PCDHGA11: variants seen among roughly 807,000 people sequenced by gnomAD.
PCDHGA11 encodes the protein protocadherin gamma subfamily A, 11.
PCDHGA11 carries 39 observed loss-of-function variants against 60.4 expected under a neutral mutation model. That is an observed-to-expected ratio of 0.65 (90% CI 0.50 to 0.84). The LOEUF is 0.84. PCDHGA11 is among the 40% of genes least tolerant of loss of function. The pLI is 0.00. For missense variants in PCDHGA11, 1,165 were observed against 1,197.7 expected (o/e 0.97, Z 0.40); for synonymous variants, 533 against 510.3 (o/e 1.04, Z -0.60).
At position 141,477,626 on chromosome 5, in the gene PCDHGA11, G is replaced by A. The variant is rs201987467; in HGVS notation, c.2434-17181G>A. The A allele has an allele frequency of 1.9e-5, 31 of 1,614,052 alleles. No individual in the cohort carries two copies. The highest frequency in any genetic ancestry group is 2.5e-5 in the Non-Finnish European group (30 of 1,180,044). Reference sequence around the variant, plus strand: ...TCTCTTGGAGCAAGGAGCTGAAACCGGGCTAGTGGGTCGCTATTTCACAAT... The same window carrying A: ...TCTCTTGGAGCAAGGAGCTGAAACCAGGCTAGTGGGTCGCTATTTCACAAT... On this transcript the variant is annotated intron_variant, in intron 1 of 3. Transcript: ENST00000398587. This position sits in a 1 kb window ranked among gnomAD's most constrained non-coding sequence, Gnocchi z 4.9.
chr5:141,436,167 G>A (rs933669166), intron 1 of PCDHGA11, among the ~76,000 whole-genome samples: 2 of 152,088 alleles, frequency 1.3e-5, no homozygotes, highest in Non-Finnish European at 2.9e-5. Flanking sequence ...CATATGGACA[G>A]TTCTCATATA....
chr5:141,430,830 G>C, intron 1 of PCDHGA11: 1 of 1,554,968 alleles, frequency 6.4e-7, no homozygotes, highest in Non-Finnish European at 8.7e-7. Context: ...GGGACTCTGT[G>C]GGAGACCGGA....
chr5:141,451,134 T>A (rs567790185), intron 1 of PCDHGA11, among the ~76,000 whole-genome samples: 1 of 152,254 alleles, frequency 6.6e-6, no homozygotes, highest in South Asian at 2.1e-4. Context: ...AGCCTTATGA[T>A]TGTATTTAGA....
At position 141,422,076 on chromosome 5, in the gene PCDHGA11, G is replaced by C. The variant is rs2096622180; in HGVS notation, c.849G>C (p.Arg283=). 1.2e-6 allele frequency: 2 copies of C among 1,612,270 alleles called. No individual in the cohort carries two copies. Among genetic ancestry groups the C allele is most frequent in the South Asian group, 1.1e-5 (1 of 90,572 alleles). The change falls in exon 1 of 4, where the codon CGG becomes CGC. Residue 283 remains arginine, a synonymous_variant. Transcript: ENST00000398587. ...GINGEVMYSF[R]NMESKASEIF... is the part of the protein sequence containing the mutation. The stretch of plus-strand genomic sequence containing the variant: ...ACGGGGAAGTAATGTATTCATTTCG[G>C]AACATGGAAAGCAAGGCTTCTGAAA...
At chr5:141,455,740 G>C (rs2098830344) in intron 1 of PCDHGA11, among the ~76,000 whole-genome samples, 1 of 152,136 alleles carries the variant, frequency 6.6e-6, no homozygotes, top group Non-Finnish European at 1.5e-5. Context: ...GCATATCAAA[G>C]GTTGCTGGCC....
chr5:141,423,338 T>A lies in PCDHGA11; in HGVS notation c.2111T>A (p.Ile704Asn). ...LVVAVAAVSC[I>N]FLVFVIVLLA... The stretch of plus-strand genomic sequence containing the variant: ...GTGGCGGTGGCCGCAGTCTCCTGCA[T>A]CTTCCTGGTCTTTGTCATCGTGCTG... Residue 704 changes from isoleucine (I) to asparagine (N), a missense_variant, in exon 1 of 4, where the codon ATC becomes AAC. Coordinates refer to ENST00000398587, the MANE Select transcript of PCDHGA11 (RefSeq NM_018914.3). 6.2e-7 allele frequency: 1 copy of A among 1,614,150 alleles called. No individual in the cohort carries two copies. Among genetic ancestry groups the A allele is most frequent in the Middle Eastern group, 1.6e-4 (1 of 6,062 alleles).
chr5:141,506,742 A>G (rs1475692668), intron 3 of PCDHGA11, among the ~76,000 whole-genome samples: 5 of 152,172 alleles, frequency 3.3e-5, no homozygotes, highest in Non-Finnish European at 7.3e-5. Context: ...AATGCCTATT[A>G]ATAAAGACTA....
At chr5:141,505,523 G>C in intron 3 of PCDHGA11, 42 bp downstream of exon 3, 2 of 1,612,760 alleles carry the variant, frequency 1.2e-6, no homozygotes, top group South Asian at 2.2e-5. Context: ...GGGAGACCTG[G>C]GGTTCTGGGG....
At chr5:141,430,716 G>T (rs1327065498) in intron 1 of PCDHGA11, 2 of 1,487,962 alleles carry the variant, frequency 1.3e-6, no homozygotes, top group African/African-American at 2.8e-5. Context: ...CCTGACTTCA[G>T]TGGTTAAGGG....
chr5:141,507,849 C>CA (rs2099864208), intron 3 of PCDHGA11, among the ~76,000 whole-genome samples: 1 of 152,222 alleles, frequency 6.6e-6, no homozygotes, highest in African/African-American at 2.4e-5. Flanking sequence ...GCCCTGCTCT[C>CA]ACTTTCACAC....
rs187495695 is a variant in PCDHGA11, at chr5:141,486,508, T to G, written c.2434-8299T>G. The G allele has an allele frequency of 9.3e-6, 15 of 1,614,172 alleles. No homozygotes were observed. In the Admixed American group the frequency reaches 2.5e-4, roughly 27 times the overall value. The stretch of plus-strand genomic sequence containing the variant: ...CCCACAGAACTATTTTCCTCAATAT[T>G]TCAGATGTGAATGATAATCCACCCT... On this transcript the variant is annotated intron_variant, in intron 1 of 3. Coordinates refer to ENST00000398587, the MANE Select transcript of PCDHGA11 (RefSeq NM_018914.3). The surrounding 1 kb of genome is among the most constrained non-coding windows in gnomAD (Gnocchi z 5.0).
chr5:141,510,798 A>G, intron 3 of PCDHGA11, 149 bp from the exon 4 acceptor site: 1 of 1,474,326 alleles, frequency 6.8e-7, no homozygotes, highest in South Asian at 1.3e-5. Context: ...GTGAAGAGAG[A>G]CTACCTTGGT....
rs146372628 is a variant in PCDHGA11, at chr5:141,476,246, G to A, written c.2434-18561G>A. On this transcript the variant is annotated intron_variant, in intron 1 of 3. Coordinates refer to ENST00000398587, the MANE Select transcript of PCDHGA11 (RefSeq NM_018914.3). The surrounding 1 kb of genome is among the most constrained non-coding windows in gnomAD (Gnocchi z 7.6). ...TGAGATCCCGGAGGAAAGAGAGAAG[G>A]GTTTCGCTGTGGGCAACGTGGTCGC... 1.0e-3 allele frequency: 1,689 copies of A among 1,613,996 alleles called. 1 individual carries two copies. Among genetic ancestry groups the A allele is most frequent in the Non-Finnish European group, 1.3e-3 (1,557 of 1,180,008 alleles).
chr5:141,484,121 C>A (rs1451102473), intron 1 of PCDHGA11, among the ~76,000 whole-genome samples: 1 of 152,152 alleles, frequency 6.6e-6, no homozygotes, highest in African/African-American at 2.4e-5. Context: ...TCAAGAATAC[C>A]TTGGTGTCAG....
chr5:141,429,851 TC>T (rs1447325775), intron 1 of PCDHGA11, among the ~76,000 whole-genome samples: 2 of 152,224 alleles, frequency 1.3e-5, no homozygotes, highest in African/African-American at 4.8e-5. Context: ...TCTGTAACAT[TC>T]TTTGGACTAC....
chr5:141,436,519 C>A (rs770168763), intron 1 of PCDHGA11, among the ~76,000 whole-genome samples: 2 of 152,140 alleles, frequency 1.3e-5, no homozygotes, highest in African/African-American at 2.4e-5. Context: ...TTAACTGTGT[C>A]ACCTTTAGCA....
intron 2 of PCDHGA11, among the ~76,000 whole-genome samples, chr5:141,497,553 T>G (rs2099777684): frequency 6.6e-6 from 1 of 151,326 alleles, no homozygotes; most frequent in Non-Finnish European, 1.5e-5. Flanking sequence ...TTTTTTTTTT[T>G]TTTTTAGACA....
In PCDHGA11 at chr5:141,476,132, T is replaced by C. The variant is rs751708569; in HGVS notation, c.2434-18675T>C. 2 of 1,607,820 alleles carry C rather than the reference T, an allele frequency of 1.2e-6. No homozygotes were observed. The highest frequency in any genetic ancestry group is 1.1e-5 in the South Asian group (1 of 90,582). On this transcript the variant is annotated intron_variant, in intron 1 of 3. Coordinates refer to ENST00000398587, the MANE Select transcript of PCDHGA11 (RefSeq NM_018914.3). The surrounding 1 kb of genome is among the most constrained non-coding windows in gnomAD (Gnocchi z 7.6). ...TTTGAGTGAGATGGTCCCAGAGGCC[T>C]GGAGGAGCGGACTGGTAAGCACCGG...
intron 3 of PCDHGA11, among the ~76,000 whole-genome samples, chr5:141,505,956 T>C (rs1177913983): frequency 6.6e-6 from 1 of 152,102 alleles, no homozygotes; most frequent in Non-Finnish European, 1.5e-5. Flanking sequence ...TGAAAGTGGG[T>C]GTAGAAATCC....
Sources: gnomAD v4.1 joint callset for allele counts (sites outside exome capture counted in the v4.1 genomes callset) on GRCh38, gnomAD v4.1.1 for gene constraint, Gnocchi (gnomAD v3.1) non-coding constraint, MANE v1.5 for transcripts, NCBI Gene and HGNC (gene_info 2026-07-23, HGNC 2026-07-21) for gene names.